BTG4: variants seen among roughly 807,000 people sequenced by gnomAD.
The protein encoded by BTG4 is protein BTG4.
In BTG4, 10 loss-of-function variants were observed where a neutral mutation model predicts 19.3. The ratio of observed to expected loss-of-function variants is 0.52; its 90% CI spans 0.32 to 0.88. BTG4 has a LOEUF of 0.88. BTG4 is among the 40% of genes least tolerant of loss of function. BTG4 has a pLI of 0.04. For synonymous variants in BTG4, 91 were observed against 95.7 expected, an observed-to-expected ratio of 0.95 and a Z score of 0.29; for missense variants, 238 against 281.9, an observed-to-expected ratio of 0.84 and a Z score of 1.11.
chr11:111,420,036 T>G, the BTG4 span, among the ~76,000 whole-genome samples: 2,483 of 152,236 alleles, frequency 0.016, 67 homozygotes, highest in African/African-American at 0.057. Context: ...CAGAAGTGGC[T>G]TGAGGTAAAG....
chr11:111,492,886 C>A (rs1033706165), downstream of BTG4, among the ~76,000 whole-genome samples: 3 of 152,114 alleles, frequency 2.0e-5, no homozygotes, highest in Admixed American at 2.0e-4. Context: ...CCAGAGTCCC[C>A]GGTAATCCCA....
intron 5 of BTG4, among the ~76,000 whole-genome samples, chr11:111,488,484 A>G (rs1247863771): frequency 6.6e-6 from 1 of 152,222 alleles, no homozygotes; most frequent in Non-Finnish European, 1.5e-5. Flanking sequence ...AAGATCTGAA[A>G]CTATGAAACT....
At chr11:111,478,444 A>T (rs1301133432) in intron 5 of BTG4, among the ~76,000 whole-genome samples, 1 of 152,174 alleles carries the variant, frequency 6.6e-6, no homozygotes, top group Non-Finnish European at 1.5e-5. Flanking sequence ...AAAAGCATCC[A>T]GGTTTGGCAA....
chr11:111,448,337 T>C, the BTG4 span: 3 of 152,412 alleles, frequency 2.0e-5, no homozygotes, highest in Admixed American at 6.5e-5. Flanking sequence ...AGCCCCCTAA[T>C]GGGAGAAGAG....
At chr11:111,391,428 C>A in the BTG4 span, among the ~76,000 whole-genome samples, 1 of 152,166 alleles carries the variant, frequency 6.6e-6, no homozygotes. Flanking sequence ...TAGAGTTTTG[C>A]CAAATGTTAC....
chr11:111,441,115 C>CTT, the BTG4 span, among the ~76,000 whole-genome samples: 1 of 144,448 alleles, frequency 6.9e-6, no homozygotes, highest in Non-Finnish European at 1.5e-5. Flanking sequence ...GCTCTCTTTT[C>CTT]TTTTTTTTTT....
At chr11:111,456,516 C>T in the BTG4 span, 1 of 456,506 alleles carries the variant, frequency 2.2e-6, no homozygotes, top group African/African-American at 2.0e-5. This position sits in a 1 kb window ranked among gnomAD's most constrained non-coding sequence, Gnocchi z 4.2. Context: ...TTCCTGCAGC[C>T]CCAGCAGGCC....
At chr11:111,513,314 A>G (rs1472047270), upstream of BTG4, 1 of 489,382 alleles carries the variant, frequency 2.0e-6, no homozygotes, top group Admixed American at 2.2e-5. Flanking sequence ...CACTGTGTCT[A>G]TTTGCCATCG....
chr11:111,422,958 A>C, the BTG4 span, among the ~76,000 whole-genome samples: 1 of 152,158 alleles, frequency 6.6e-6, no homozygotes, highest in Non-Finnish European at 1.5e-5. Context: ...CACCTTAGTG[A>C]GACTCCCTGT....
the BTG4 span, chr11:111,461,789 C>T: frequency 6.6e-6 from 1 of 152,650 alleles, no homozygotes. Context: ...TACCCAAGGT[C>T]AGGGAGGGCC....
the BTG4 span, among the ~76,000 whole-genome samples, chr11:111,432,513 G>A: frequency 6.6e-6 from 1 of 152,100 alleles, no homozygotes; most frequent in African/African-American, 2.4e-5. Flanking sequence ...GCATGGTGGT[G>A]GGTGCCTGTA....
chr11:111,434,960 C>G, the BTG4 span: 3 of 152,284 alleles, frequency 2.0e-5, no homozygotes, highest in African/African-American at 4.8e-5. Context: ...AATAAGATCT[C>G]ACCTGACAAG....
the BTG4 span, among the ~76,000 whole-genome samples, chr11:111,413,931 C>A: frequency 6.6e-6 from 1 of 152,206 alleles, no homozygotes; most frequent in Non-Finnish European, 1.5e-5. Context: ...GTAGCTCCAG[C>A]CAGGCCACGC....
intron 1 of BTG4, among the ~76,000 whole-genome samples, chr11:111,499,571 A>G (rs1341146475): frequency 1.3e-5 from 2 of 152,258 alleles, no homozygotes; most frequent in Non-Finnish European, 2.9e-5. Flanking sequence ...TATAACACAG[A>G]GTGAGAATCA....
the BTG4 span, among the ~76,000 whole-genome samples, chr11:111,447,101 C>T: frequency 6.6e-6 from 1 of 152,218 alleles, no homozygotes; most frequent in African/African-American, 2.4e-5. Context: ...TGGAGCAGGA[C>T]CCTACAACGC....
At chr11:111,417,978 G>A in the BTG4 span, 1 of 152,228 alleles carries the variant, frequency 6.6e-6, no homozygotes, top group Admixed American at 6.5e-5. Flanking sequence ...TGGCTTTGTG[G>A]AGAGTAAGAC....
rs140451152 is a variant in BTG4 at position 111,504,412 on chromosome 11, A to G, written c.-26-5610T>C. ...TTAATTTTAGTGCAGCCTAATCAAA[A>G]TAAAATTCCTTTACCAATAATACTA... On this transcript the variant is annotated intron_variant, in intron 1 of 4. Transcript: ENST00000692032. 2.5e-3 allele frequency among the ~76,000 whole-genome samples: 384 copies of G among 152,264 alleles called. 3 individuals are homozygous for G. Among genetic ancestry groups the G allele is most frequent in the African/African-American group, 8.9e-3 (371 of 41,574 alleles).
At chr11:111,464,938 A>G (rs1342632512), downstream of BTG4, among the ~76,000 whole-genome samples, 2 of 152,196 alleles carry the variant, frequency 1.3e-5, no homozygotes, top group Non-Finnish European at 2.9e-5. Context: ...ATCAAACATG[A>G]ATCTAAATCT....
At chr11:111,473,479 A>G (rs936728821) in intron 5 of BTG4, 6 of 152,482 alleles carry the variant, frequency 3.9e-5, no homozygotes, top group African/African-American at 1.2e-4. Context: ...TATGCCAACT[A>G]TTATTTATTA....
Sources: gnomAD v4.1 joint callset for allele counts (sites outside exome capture counted in the v4.1 genomes callset) on GRCh38, gnomAD v4.1.1 for gene constraint, Gnocchi (gnomAD v3.1) non-coding constraint, MANE v1.5 for transcripts, NCBI Gene and HGNC (gene_info 2026-07-23, HGNC 2026-07-21) for gene names.